SNTB2: variants seen among roughly 807,000 people sequenced by gnomAD.
SNTB2 encodes the protein syntrophin beta 2, also known as beta-2-syntrophin.
SNTB2 carries 34 observed loss-of-function variants against 46.2 expected under a neutral mutation model. The ratio of observed to expected loss-of-function variants is 0.74; its 90% confidence interval spans 0.56 to 0.98. The LOEUF (loss-of-function observed/expected upper bound fraction) is 0.98. Ranked by LOEUF, SNTB2 falls within the 50% of genes least tolerant of loss-of-function variation. The probability of loss-of-function intolerance (pLI) is 0.00; values close to 1 mark genes in which losing one functional copy is unlikely to be tolerated. For missense variants in SNTB2, 603 were observed against 731.4 expected (o/e 0.82, Z 2.02); for synonymous variants, 290 against 312.6 (o/e 0.93, Z 0.76).
intron 1 of SNTB2, among the ~76,000 whole-genome samples, chr16:69,193,758 A>G (rs985145557): frequency 2.0e-5 from 3 of 152,176 alleles, no homozygotes. Context: ...GTTCAGATAA[A>G]AGGATGGAGA....
chr16:69,196,376 C>CTTTT (rs533787609), intron 1 of SNTB2, among the ~76,000 whole-genome samples: 1 of 134,638 alleles, frequency 7.4e-6, no homozygotes, highest in Admixed American at 7.5e-5. Context: ...TTTTCTTTTT[C>CTTTT]TTTTTTTTTT....
Position 69,270,494 on chromosome 16 carries a change from T to C in SNTB2, c.1148+209T>C, listed in dbSNP as rs150168874. On this transcript the variant is annotated intron_variant, in intron 4 of 6. Transcript: ENST00000336278. ...ATAAATTGTTTTTATAATGAGCGTT[T>C]TTGTGTGTACCTTTTAAGTTGTCAA... Among the ~76,000 whole-genome samples the C allele has an allele frequency of 9.6e-4, 147 of 152,354 alleles. No individual in the cohort carries two copies. In the East Asian group the frequency reaches 0.024, roughly 25 times the overall value.
At chr16:69,253,044 C>T (rs901340208) in intron 2 of SNTB2, among the ~76,000 whole-genome samples, 7 of 151,752 alleles carry the variant, frequency 4.6e-5, no homozygotes, top group African/African-American at 1.2e-4. Context: ...GGACTGCAGG[C>T]GCCTGCCACC....
At chr16:69,281,174 G>A (rs555906061) in intron 4 of SNTB2, among the ~76,000 whole-genome samples, 1 of 151,806 alleles carries the variant, frequency 6.6e-6, no homozygotes, top group South Asian at 2.1e-4. Context: ...TTTTCTTCAG[G>A]GATTGTGCTT....
chr16:69,295,112 C>T (rs950840302), intron 5 of SNTB2, among the ~76,000 whole-genome samples: 4 of 151,974 alleles, frequency 2.6e-5, no homozygotes, highest in South Asian at 2.1e-4. Context: ...TGAGCCACTG[C>T]GCCCAGCCAA....
At chr16:69,246,473 T>C (rs577274504) in intron 2 of SNTB2, among the ~76,000 whole-genome samples, 2 of 149,270 alleles carry the variant, frequency 1.3e-5, no homozygotes, top group East Asian at 3.9e-4. Context: ...CAGTATTTTA[T>C]TGAGGATTTT....
At chr16:69,212,220 G>A (rs1342958867) in intron 1 of SNTB2, among the ~76,000 whole-genome samples, 8 of 152,080 alleles carry the variant, frequency 5.3e-5, no homozygotes, top group Admixed American at 5.2e-4. Context: ...TTATCTGCCT[G>A]GGACTCTTCT....
chr16:69,249,835 A>G (rs1964708482), intron 2 of SNTB2, among the ~76,000 whole-genome samples: 1 of 152,162 alleles, frequency 6.6e-6, no homozygotes, highest in South Asian at 2.1e-4. Context: ...GCAGTGGCTA[A>G]CACCTGTAAT....
intron 1 of SNTB2, among the ~76,000 whole-genome samples, chr16:69,188,187 G>C (rs1286972764): frequency 1.3e-5 from 2 of 151,318 alleles, no homozygotes; most frequent in Admixed American, 1.3e-4. Flanking sequence ...CGGTATGCTC[G>C]GGCAAACCAC....
intron 5 of SNTB2, among the ~76,000 whole-genome samples, chr16:69,290,258 C>G (rs1597202651): frequency 6.6e-6 from 1 of 152,070 alleles, no homozygotes; most frequent in African/African-American, 2.4e-5. Flanking sequence ...AAAGCCATTT[C>G]CATTTGTCAC....
chr16:69,259,892 G>A (rs948313883), intron 2 of SNTB2, among the ~76,000 whole-genome samples, 158 bp from the exon 3 acceptor site: 3 of 152,126 alleles, frequency 2.0e-5, no homozygotes, highest in East Asian at 1.9e-4. Context: ...TTACAGGCAT[G>A]AGCCACCGTG....
chr16:69,242,948 G>C (rs1299333619), intron 1 of SNTB2, among the ~76,000 whole-genome samples: 1 of 151,380 alleles, frequency 6.6e-6, no homozygotes, highest in Non-Finnish European at 1.5e-5. Flanking sequence ...GTGAACCCAG[G>C]AGGCAGAGTT....
intron 4 of SNTB2, among the ~76,000 whole-genome samples, chr16:69,279,589 G>A (rs538072615): frequency 4.6e-5 from 6 of 130,766 alleles, no homozygotes; most frequent in African/African-American, 1.8e-4. Flanking sequence ...GCAGTGGCAC[G>A]ATATGGGCTC....
intron 1 of SNTB2, among the ~76,000 whole-genome samples, chr16:69,244,143 T>C (rs757533290): frequency 6.6e-6 from 1 of 152,196 alleles, no homozygotes; most frequent in South Asian, 2.1e-4. Flanking sequence ...TAGCTTTGAA[T>C]AGCAAGCACA....
intron 1 of SNTB2, among the ~76,000 whole-genome samples, chr16:69,225,387 C>T (rs1964448963): frequency 6.6e-6 from 1 of 152,332 alleles, no homozygotes; most frequent in East Asian, 1.9e-4. Flanking sequence ...CACTTAGCAA[C>T]AAAAATACGG....
chr16:69,235,921 G>C (rs1393232248), intron 1 of SNTB2: 2 of 1,161,556 alleles, frequency 1.7e-6, no homozygotes, highest in East Asian at 1.2e-4. Flanking sequence ...AGAATTACTG[G>C]TTTATCTGTG....
At chr16:69,197,467 ATTTT>A (rs1304110707) in intron 1 of SNTB2, among the ~76,000 whole-genome samples, 3 of 152,316 alleles carry the variant, frequency 2.0e-5, no homozygotes, top group Admixed American at 6.5e-5. Context: ...TAGTTTAAAT[ATTTT>A]ATTAGTAATA....
At chr16:69,293,423 T>A (rs573128281) in intron 5 of SNTB2, among the ~76,000 whole-genome samples, 1 of 152,204 alleles carries the variant, frequency 6.6e-6, no homozygotes, top group South Asian at 2.1e-4. Flanking sequence ...AAGTGCCAAG[T>A]AGGATGAGGC....
intron 4 of SNTB2, among the ~76,000 whole-genome samples, chr16:69,275,525 A>G (rs1964978764): frequency 6.6e-6 from 1 of 152,242 alleles, no homozygotes. Flanking sequence ...TCACAGCACA[A>G]TAGAATTAAG....
Sources: allele counts gnomAD v4.1 joint callset (sites outside exome capture counted in the v4.1 genomes callset), GRCh38; gene constraint gnomAD v4.1.1; transcripts MANE v1.5; gene names NCBI Gene and HGNC (gene_info 2026-07-23, HGNC 2026-07-21).